The following FNIP1 variants were observed in gnomAD, a reference collection of about 807,000 sequenced individuals.
FNIP1 encodes the protein folliculin-interacting protein 1.
FNIP1 carries 40 observed loss-of-function variants against 124.5 expected under a neutral mutation model. That is an observed-to-expected ratio of 0.32 (90% CI 0.25 to 0.42). The LOEUF is 0.42. FNIP1 is among the 10% of genes least tolerant of loss of function. FNIP1 has a pLI of 1.00. For synonymous variants in FNIP1, 472 were observed against 470.6 expected (o/e 1.00, Z -0.04); for missense variants, 1,176 against 1,403.7 (o/e 0.84, Z 2.59).
intron 15 of FNIP1, among the ~76,000 whole-genome samples, chr5:131,666,761 T>C (rs190818490): frequency 1.2e-3 from 185 of 152,296 alleles, no homozygotes; most frequent in African/African-American, 4.2e-3. Context: ...ATTCATCCTA[T>C]AATAGCAGGA....
chr5:131,789,709 C>CA (rs1561710327), intron 1 of FNIP1, among the ~76,000 whole-genome samples: 2 of 152,204 alleles, frequency 1.3e-5, no homozygotes, highest in African/African-American at 4.8e-5. Flanking sequence ...ATTTATCACT[C>CA]ACTCTATCAT....
At chr5:131,648,173 T>TAAAAAAAAA (rs577945348) in intron 16 of FNIP1, among the ~76,000 whole-genome samples, 7 of 113,298 alleles carry the variant, frequency 6.2e-5, no homozygotes, top group African/African-American at 3.6e-5. Flanking sequence ...CTACAAAAAT[T>TAAAAAAAAA]AAAAAAAAAA....
intron 11 of FNIP1, among the ~76,000 whole-genome samples, chr5:131,685,394 C>T (rs766295072): frequency 4.0e-4 from 60 of 150,610 alleles, no homozygotes; most frequent in Middle Eastern, 3.5e-3. Context: ...TTGCACATTT[C>T]TTTTATATTA....
chr5:131,649,267 C>T (rs1766976979), intron 16 of FNIP1, among the ~76,000 whole-genome samples: 2 of 152,156 alleles, frequency 1.3e-5, no homozygotes, highest in Non-Finnish European at 2.9e-5. Flanking sequence ...TTTTACATTA[C>T]CATCAACAAT....
At chr5:131,684,071 TAGAC>T (rs1190144683) in intron 11 of FNIP1, among the ~76,000 whole-genome samples, 7 of 152,244 alleles carry the variant, frequency 4.6e-5, no homozygotes, top group Admixed American at 1.3e-4. Flanking sequence ...CACTGAATAT[TAGAC>T]AGCATTTCAG....
At chr5:131,758,968 G>A (rs527307176) in intron 1 of FNIP1, among the ~76,000 whole-genome samples, 1 of 151,878 alleles carries the variant, frequency 6.6e-6, no homozygotes, top group South Asian at 2.1e-4. Context: ...GCATATCTGT[G>A]GTGTTAAAAT....
chr5:131,719,637 C>G (rs932411787), intron 3 of FNIP1, among the ~76,000 whole-genome samples: 3 of 152,146 alleles, frequency 2.0e-5, no homozygotes, highest in Non-Finnish European at 2.9e-5. Flanking sequence ...CTTTTAAGAG[C>G]TGTACAATAT....
At chr5:131,771,413 A>G (rs1353392038) in intron 1 of FNIP1, among the ~76,000 whole-genome samples, 1 of 152,200 alleles carries the variant, frequency 6.6e-6, no homozygotes, top group Non-Finnish European at 1.5e-5. Flanking sequence ...CAGGATAGGA[A>G]AGAACTGGCC....
chr5:131,724,273 A>G (rs1398861403), intron 3 of FNIP1, among the ~76,000 whole-genome samples: 1 of 152,166 alleles, frequency 6.6e-6, no homozygotes, highest in Non-Finnish European at 1.5e-5. Flanking sequence ...TAGATCCTGG[A>G]GGAATTGGCA....
chr5:131,699,076 A>G, intron 10 of FNIP1, 74 bp from the exon 11 acceptor site: 2 of 1,154,702 alleles, frequency 1.7e-6, no homozygotes, highest in South Asian at 1.5e-5. Context: ...TCTTTTTTAG[A>G]CAGAGTCACA....
At chr5:131,726,967 T>C (rs1322585090) in intron 3 of FNIP1, among the ~76,000 whole-genome samples, 1 of 152,188 alleles carries the variant, frequency 6.6e-6, no homozygotes, top group African/African-American at 2.4e-5. Flanking sequence ...TTTGAGTGAG[T>C]TTCTTAATCC....
At chr5:131,686,534 G>GA (rs1216370991) in intron 11 of FNIP1, among the ~76,000 whole-genome samples, 1 of 152,154 alleles carries the variant, frequency 6.6e-6, no homozygotes, top group African/African-American at 2.4e-5. Context: ...TTTTACTTTA[G>GA]AGATGAGGTC....
At chr5:131,727,238 G>T (rs1372339076) in intron 3 of FNIP1, among the ~76,000 whole-genome samples, 1 of 152,084 alleles carries the variant, frequency 6.6e-6, no homozygotes, top group Non-Finnish European at 1.5e-5. Flanking sequence ...GTCTAATATT[G>T]ACAGTGGGGT....
intron 13 of FNIP1, among the ~76,000 whole-genome samples, chr5:131,676,005 C>A (rs1028214353): frequency 6.6e-6 from 1 of 151,700 alleles, no homozygotes; most frequent in Non-Finnish European, 1.5e-5. Context: ...ATTATAGGCG[C>A]CTGCCACCAC....
At chr5:131,667,569 GTTT>G (rs1318817636) in intron 15 of FNIP1, among the ~76,000 whole-genome samples, 1 of 112,254 alleles carries the variant, frequency 8.9e-6, no homozygotes, top group African/African-American at 2.7e-5. Flanking sequence ...CTTCACTTCT[GTTT>G]TTTTGTTTGT....
rs1169859985 is a variant in FNIP1, at chr5:131,704,269, T to C, written c.915-3A>G. The C allele has an allele frequency of 1.3e-6, 2 of 1,556,714 alleles. No individual in the cohort carries two copies. Among genetic ancestry groups the C allele is most frequent in the Non-Finnish European group, 8.7e-7 (1 of 1,154,410 alleles). On this transcript the variant is annotated splice_polypyrimidine_tract_variant and splice_region_variant and intron_variant, in intron 9 of 17. Coordinates refer to ENST00000510461, the MANE Select transcript of FNIP1 (RefSeq NM_133372.3). Reference sequence around the variant, plus strand: ...GATTAAAGCTTTCTTCTATAGACCTTAAAAATAAATGATTTTTTATTAATT... The same window carrying C: ...GATTAAAGCTTTCTTCTATAGACCTCAAAAATAAATGATTTTTTATTAATT...
intron 11 of FNIP1, among the ~76,000 whole-genome samples, chr5:131,695,114 A>C (rs958879168): frequency 1.4e-5 from 2 of 142,698 alleles, no homozygotes; most frequent in African/African-American, 5.4e-5. Flanking sequence ...CAAATAAATA[A>C]ATAAATAAAT....
intron 15 of FNIP1, among the ~76,000 whole-genome samples, chr5:131,667,936 TTATTAAAGCAAAG>T (rs1304858768): frequency 6.6e-6 from 1 of 152,180 alleles, no homozygotes; most frequent in African/African-American, 2.4e-5. Context: ...CCAGATTTTG[TTATTAAAGCAAAG>T]TATTAAAGTG....
chr5:131,683,497 G>A (rs1340764882), intron 11 of FNIP1, among the ~76,000 whole-genome samples: 2 of 146,870 alleles, frequency 1.4e-5, no homozygotes, highest in East Asian at 2.0e-4. Context: ...AGCTTGCAGT[G>A]AGCCGAAACT....
Sources: allele counts gnomAD v4.1 joint callset (sites outside exome capture counted in the v4.1 genomes callset), GRCh38; gene constraint gnomAD v4.1.1; transcripts MANE v1.5; gene names NCBI Gene and HGNC (gene_info 2026-07-23, HGNC 2026-07-21).